The following ZNF148 variants were observed in gnomAD, a reference collection of about 807,000 sequenced individuals.
The protein encoded by ZNF148 is zinc finger protein 148.
In ZNF148, 7 loss-of-function variants were observed where a neutral mutation model predicts 67.7. The ratio of observed to expected loss-of-function variants is 0.10; its 90% CI spans 0.06 to 0.19. ZNF148 has a LOEUF of 0.19. ZNF148 is among the 10% of genes least tolerant of loss of function. The pLI, the probability that ZNF148 is intolerant of heterozygous loss-of-function variation, is 1.00. For missense variants in ZNF148, 583 were observed against 947.1 expected, an observed-to-expected ratio of 0.62 and a Z score of 5.05; for synonymous variants, 333 against 330.7, an observed-to-expected ratio of 1.01 and a Z score of -0.08.
rs967390350 is a variant in ZNF148 at position 125,361,218 on chromosome 3, T to C, written c.-234+13884A>G. Among the ~76,000 whole-genome samples, 34 of 152,200 alleles carry C rather than the reference T, an allele frequency of 2.2e-4. 1 individual carries two copies. The highest frequency in any genetic ancestry group is 7.2e-4 in the Admixed American group (11 of 15,278). Reference sequence around the variant, plus strand: ...CTCATGACTAGCTATATCATTCTCCTACTCCTTCAGCTTGATAAAAAAGGA... The same window carrying C: ...CTCATGACTAGCTATATCATTCTCCCACTCCTTCAGCTTGATAAAAAAGGA... On this transcript the variant is annotated intron_variant, in intron 1 of 8. Coordinates refer to ENST00000360647, the MANE Select transcript of ZNF148 (RefSeq NM_021964.3).
At chr3:125,337,722 ATTGT>A (rs1176310171) in intron 1 of ZNF148, among the ~76,000 whole-genome samples, 5 of 152,174 alleles carry the variant, frequency 3.3e-5, no homozygotes, top group African/African-American at 1.2e-4. Flanking sequence ...AGCAAGTATT[ATTGT>A]TTGTCTCAGT....
intron 1 of ZNF148, among the ~76,000 whole-genome samples, chr3:125,348,620 A>T (rs1369594608): frequency 6.6e-6 from 1 of 152,192 alleles, no homozygotes; most frequent in Non-Finnish European, 1.5e-5. Flanking sequence ...AAATAAATGG[A>T]AACACATCCC....
At position 125,313,368 on chromosome 3, in the gene ZNF148, T is replaced by C. The variant is rs1162816168; in HGVS notation, c.273A>G (p.Glu91=). 6.2e-7 allele frequency: 1 copy of C among 1,614,078 alleles called. No homozygotes were observed. The highest frequency in any genetic ancestry group is 1.7e-5 in the Admixed American group (1 of 60,002). Residue 91 remains glutamate (E), a synonymous_variant, in exon 4 of 9, where the codon GAA becomes GAG. Coordinates refer to ENST00000360647, the MANE Select transcript of ZNF148 (RefSeq NM_021964.3). ...GTCTTTCATGTGTTTCCATCTGCTC[T>C]TCATCATTTTTCACTGTCTCCTCAT... is the stretch of plus-strand genomic sequence containing the variant. ...MVHEETVKND[E]EQMETHERLP...
At chr3:125,318,951 G>A (rs1485082584) in intron 3 of ZNF148, among the ~76,000 whole-genome samples, 1 of 151,922 alleles carries the variant, frequency 6.6e-6, no homozygotes, top group Non-Finnish European at 1.5e-5. Flanking sequence ...TATCTAGGGG[G>A]CCACAACACA....
chr3:125,308,540 A>C (rs1006301296), intron 4 of ZNF148, among the ~76,000 whole-genome samples: 4 of 128,698 alleles, frequency 3.1e-5, no homozygotes, highest in Admixed American at 7.4e-5. Context: ...AAAAAAAAAA[A>C]CAAAAACCTA....
intron 5 of ZNF148, among the ~76,000 whole-genome samples, chr3:125,282,501 A>T (rs1176987726): frequency 2.0e-5 from 3 of 152,154 alleles, no homozygotes; most frequent in Non-Finnish European, 2.9e-5. Flanking sequence ...TATTACATAG[A>T]CCAAGCAATC....
Position 125,225,690 on chromosome 3 carries a change from A to T in ZNF148, c.*6651T>A, listed in dbSNP as rs1487870848. 1 of 152,120 alleles carries T rather than the reference A, an allele frequency of 6.6e-6. No homozygotes were observed. The allele number at this position is 152,120 out of a possible 1,614,324, so 9.4% of individuals were successfully genotyped here. On this transcript the variant is annotated 3_prime_UTR_variant, in exon 9 of 9. Transcript: ENST00000360647. Reference sequence around the variant, plus strand: ...TTAATTCAAGTGACTTCAATTTTTTATTTTTTCTTATAATCTTTAGAAGAT... The same window carrying T: ...TTAATTCAAGTGACTTCAATTTTTTTTTTTTTCTTATAATCTTTAGAAGAT...
chr3:125,373,916 G>C (rs1223588495), intron 1 of ZNF148, among the ~76,000 whole-genome samples: 1 of 152,180 alleles, frequency 6.6e-6, no homozygotes, highest in African/African-American at 2.4e-5. Flanking sequence ...CTGCAATCCA[G>C]GCTGAATAAT....
chr3:125,306,007 C>T (rs977312361), intron 4 of ZNF148, among the ~76,000 whole-genome samples: 10 of 151,998 alleles, frequency 6.6e-5, no homozygotes, highest in Non-Finnish European at 1.2e-4. Context: ...TCTAACCACA[C>T]TTACTAGATA....
intron 4 of ZNF148, among the ~76,000 whole-genome samples, chr3:125,288,929 C>T (rs1938857710): frequency 6.6e-6 from 1 of 152,110 alleles, no homozygotes; most frequent in African/African-American, 2.4e-5. Flanking sequence ...AAGATTTCAA[C>T]AATGTTCTTC....
intron 7 of ZNF148, among the ~76,000 whole-genome samples, chr3:125,256,605 G>C (rs969948177): frequency 7.9e-5 from 12 of 152,178 alleles, no homozygotes; most frequent in African/African-American, 2.9e-4. Flanking sequence ...GAACCCAGGA[G>C]GCAGTGGCTG....
chr3:125,325,621 A>G (rs1046771741), intron 2 of ZNF148, among the ~76,000 whole-genome samples: 5 of 151,914 alleles, frequency 3.3e-5, no homozygotes, highest in Admixed American at 6.6e-5. Context: ...ACCCTCCATC[A>G]TGCCTGGCTA....
At chr3:125,325,391 T>C (rs1940973749) in intron 2 of ZNF148, among the ~76,000 whole-genome samples, 1 of 151,912 alleles carries the variant, frequency 6.6e-6, no homozygotes, top group African/African-American at 2.4e-5. Flanking sequence ...CTTACCAACA[T>C]TTTGAGTACC....
At position 125,247,643 on chromosome 3, in the gene ZNF148, T is replaced by C. The variant is rs917498519; in HGVS notation, c.668-13314A>G. ...TTAGTAGAGACAGGGTTTCACCATG[T>C]TGCCCAGCTGGTCTCAAACTCCTGA... On this transcript the variant is annotated intron_variant, in intron 7 of 8. Coordinates refer to ENST00000360647, the MANE Select transcript of ZNF148 (RefSeq NM_021964.3). Among the ~76,000 whole-genome samples the C allele has an allele frequency of 9.8e-5, 15 of 152,288 alleles. No individual in the cohort carries two copies. In the East Asian group the frequency reaches 2.9e-3, roughly 29 times the overall value.
At chr3:125,306,596 T>C (rs764279101) in intron 4 of ZNF148, among the ~76,000 whole-genome samples, 2 of 152,202 alleles carry the variant, frequency 1.3e-5, no homozygotes, top group South Asian at 2.1e-4. Flanking sequence ...TAAATAAAAT[T>C]TGTAATTTAA....
chr3:125,336,084 A>G (rs1941478258), intron 1 of ZNF148, among the ~76,000 whole-genome samples: 2 of 152,250 alleles, frequency 1.3e-5, no homozygotes, highest in East Asian at 3.8e-4. Context: ...TTGGTTAATT[A>G]AGGTAATCTT....
At chr3:125,254,693 T>G (rs1432381834) in intron 7 of ZNF148, among the ~76,000 whole-genome samples, 1 of 151,006 alleles carries the variant, frequency 6.6e-6, no homozygotes, top group Non-Finnish European at 1.5e-5. Context: ...TTTCATACAC[T>G]GCATTTTTTT....
Position 125,293,527 on chromosome 3 carries a change from A to C in ZNF148, c.334-5299T>G, listed in dbSNP as rs140042667. Reference sequence around the variant, plus strand: ...CAGAGCTGGGTCGGGGAAAAATATAAGATGACTCTAGAAAATCATAATGTC... The same window carrying C: ...CAGAGCTGGGTCGGGGAAAAATATACGATGACTCTAGAAAATCATAATGTC... On this transcript the variant is annotated intron_variant, in intron 4 of 8. Transcript: ENST00000360647. Among the ~76,000 whole-genome samples, 290 of 152,322 alleles carry C rather than the reference A, an allele frequency of 1.9e-3. 2 individuals are homozygous for C. The highest frequency in any genetic ancestry group is 3.1e-3 in the Non-Finnish European group (211 of 68,036).
At chr3:125,338,327 T>C (rs184660740) in intron 1 of ZNF148, among the ~76,000 whole-genome samples, 1 of 152,268 alleles carries the variant, frequency 6.6e-6, no homozygotes, top group Admixed American at 6.5e-5. Context: ...TAGGTACATA[T>C]GTATATAATC....
Sources: allele counts gnomAD v4.1 joint callset (sites outside exome capture counted in the v4.1 genomes callset), GRCh38; gene constraint gnomAD v4.1.1; transcripts MANE v1.5; gene names NCBI Gene and HGNC (gene_info 2026-07-23, HGNC 2026-07-21).